Variants in DCUN1D4 observed in about 807,000 individuals in gnomAD.
The protein encoded by DCUN1D4 is defective in cullin neddylation 1 domain containing 4, also known as DCN1-like protein 4.
Under a neutral mutation model 47.9 loss-of-function variants are expected in DCUN1D4, and 22 were observed. The observed-to-expected ratio is 0.46, with a 90% CI of 0.33 to 0.66. The LOEUF is 0.66. Ranked by LOEUF, DCUN1D4 falls within the 30% of genes least tolerant of loss-of-function variation. DCUN1D4 has a pLI of 0.02. For synonymous variants in DCUN1D4, 121 were observed against 112.2 expected (o/e 1.08, Z -0.50); for missense variants, 301 against 340.8 (o/e 0.88, Z 0.92).
intron 7 of DCUN1D4, among the ~76,000 whole-genome samples, chr4:51,895,559 T>TAAAAA (rs67542268): frequency 2.3e-5 from 2 of 88,506 alleles, no homozygotes; most frequent in East Asian, 3.0e-4. Context: ...TGCTTAAACT[T>TAAAAA]AAAAAAAAAA....
At chr4:51,894,774 C>G (rs1014512558) in intron 7 of DCUN1D4, among the ~76,000 whole-genome samples, 1 of 152,094 alleles carries the variant, frequency 6.6e-6, no homozygotes, top group South Asian at 2.1e-4. Flanking sequence ...ATTTTGATCT[C>G]AAACTAGAAT....
At chr4:51,847,288 G>A (rs1722701804) in intron 1 of DCUN1D4, among the ~76,000 whole-genome samples, 1 of 152,182 alleles carries the variant, frequency 6.6e-6, no homozygotes, top group Admixed American at 6.5e-5. Flanking sequence ...ATAAAACCCT[G>A]TCAAGAGAAG....
At chr4:51,848,012 G>T (rs769517931) in intron 1 of DCUN1D4, among the ~76,000 whole-genome samples, 1 of 152,064 alleles carries the variant, frequency 6.6e-6, no homozygotes, top group Admixed American at 6.6e-5. Flanking sequence ...AATATGTATT[G>T]AATTGAACTT....
chr4:51,899,457 C>T (rs1676526514), intron 8 of DCUN1D4, 79 bp downstream of exon 8: 2 of 1,492,840 alleles, frequency 1.3e-6, no homozygotes, highest in African/African-American at 1.5e-5. Context: ...TTAGTTTTTA[C>T]ATGCCACAGC....
At chr4:51,835,589 C>T in the DCUN1D4 span, among the ~76,000 whole-genome samples, 1 of 152,048 alleles carries the variant, frequency 6.6e-6, no homozygotes, top group East Asian at 1.9e-4. Context: ...AAGAGAGAAG[C>T]TATTGTGGGG....
chr4:51,883,425 A>T (rs1386126917), intron 5 of DCUN1D4, among the ~76,000 whole-genome samples: 1 of 152,336 alleles, frequency 6.6e-6, no homozygotes, highest in South Asian at 2.1e-4. Context: ...TGTCTAATAC[A>T]TACATGAATG....
intron 1 of DCUN1D4, chr4:51,860,679 A>G (rs1480001541): frequency 2.2e-6 from 1 of 454,148 alleles, no homozygotes; most frequent in Non-Finnish European, 4.4e-6. Context: ...AGGAGGTGCC[A>G]CACACTTTTA....
At chr4:51,881,841 T>C (rs1252487928) in intron 5 of DCUN1D4, among the ~76,000 whole-genome samples, 3 of 152,032 alleles carry the variant, frequency 2.0e-5, no homozygotes, top group Non-Finnish European at 2.9e-5. Context: ...CAATTACAAC[T>C]AGATTTAAAT....
At position 51,913,839 on chromosome 4, in the gene DCUN1D4, A is replaced by G. The variant is rs559744387; in HGVS notation, c.*255A>G. ...CAACGTCCTCACTGTGATTATGTGT[A>G]TATTGCTGTTTAAATTTTGTATATG... On this transcript the variant is annotated 3_prime_UTR_variant, in exon 11 of 11. Coordinates refer to ENST00000334635, the MANE Select transcript of DCUN1D4 (RefSeq NM_001040402.3). 33 of 388,172 alleles carry G rather than the reference A, an allele frequency of 8.5e-5. No homozygotes were observed. Among genetic ancestry groups the G allele is most frequent in the Non-Finnish European group, 1.3e-4 (29 of 218,232 alleles). 24.0% of individuals were successfully genotyped at this position (388,172 alleles called of 1,614,324 possible). A position where few individuals can be genotyped will look rare whatever the true frequency, so the allele number is the denominator to read the frequency against.
intron 3 of DCUN1D4, among the ~76,000 whole-genome samples, chr4:51,870,421 T>A (rs1050127698): frequency 6.6e-6 from 1 of 152,170 alleles, no homozygotes; most frequent in Non-Finnish European, 1.5e-5. Context: ...AAGTTAACTG[T>A]TTGTTTTAGT....
At chr4:51,847,390 G>C (rs1722715101) in intron 1 of DCUN1D4, among the ~76,000 whole-genome samples, 1 of 152,120 alleles carries the variant, frequency 6.6e-6, no homozygotes, top group South Asian at 2.1e-4. Context: ...TCAAAGAAGA[G>C]AACAAAACTA....
At chr4:51,894,623 G>A (rs1376751487) in intron 7 of DCUN1D4, among the ~76,000 whole-genome samples, 2 of 152,178 alleles carry the variant, frequency 1.3e-5, no homozygotes, top group Non-Finnish European at 2.9e-5. Context: ...TGTGCACCTA[G>A]TACACAAGAA....
upstream of DCUN1D4, among the ~76,000 whole-genome samples, chr4:51,842,015 A>T (rs1378763072): frequency 6.6e-6 from 1 of 151,564 alleles, no homozygotes; most frequent in Non-Finnish European, 1.5e-5. Context: ...ATCCTCCGTT[A>T]ATATCTCGAA....
At chr4:51,867,914 A>G (rs898467724) in intron 3 of DCUN1D4, among the ~76,000 whole-genome samples, 6 of 152,210 alleles carry the variant, frequency 3.9e-5, no homozygotes, top group Admixed American at 2.0e-4. Context: ...TGTTCGTGCC[A>G]AGGGGCACCT....
Position 51,874,263 on chromosome 4 carries a change from T to G in DCUN1D4, c.137-8T>G. 2 of 1,605,088 alleles carry G rather than the reference T, an allele frequency of 1.2e-6. No homozygotes were observed. The highest frequency in any genetic ancestry group is 1.7e-6 in the Non-Finnish European group (2 of 1,175,570). Reference sequence around the variant, plus strand: ...CTTAATTTTGTGCTCTTTGAATTTGTTTTGTAGGAAGTCTGCGGTCTTGCA... The same window carrying G: ...CTTAATTTTGTGCTCTTTGAATTTGGTTTGTAGGAAGTCTGCGGTCTTGCA... On this transcript the variant is annotated splice_region_variant and splice_polypyrimidine_tract_variant and intron_variant, in intron 3 of 10. Transcript: ENST00000334635.
At chr4:51,839,865 A>G (rs780858723), upstream of DCUN1D4, among the ~76,000 whole-genome samples, 40 of 152,344 alleles carry the variant, frequency 2.6e-4, no homozygotes, top group Admixed American at 1.2e-3. Flanking sequence ...GCTTAGCAGA[A>G]TTTAGGGGAA....
intron 5 of DCUN1D4, among the ~76,000 whole-genome samples, chr4:51,881,744 A>ATT (rs1320350901): frequency 6.6e-6 from 1 of 151,954 alleles, no homozygotes; most frequent in Non-Finnish European, 1.5e-5. Context: ...CCAGTGGTGT[A>ATT]TTTGTTAGCT....
At chr4:51,841,930 T>C (rs1721685035), upstream of DCUN1D4, among the ~76,000 whole-genome samples, 1 of 140,552 alleles carries the variant, frequency 7.1e-6, no homozygotes. Flanking sequence ...GCCTTGTAGG[T>C]GTGTTGTTGT....
intron 1 of DCUN1D4, among the ~76,000 whole-genome samples, chr4:51,852,431 G>A (rs1723510896): frequency 6.6e-6 from 1 of 151,950 alleles, no homozygotes; most frequent in Admixed American, 6.6e-5. Context: ...TTTCCTGTAG[G>A]TTAGGGTAAG....
Sources: allele counts gnomAD v4.1 joint callset (sites outside exome capture counted in the v4.1 genomes callset), GRCh38; gene constraint gnomAD v4.1.1; transcripts MANE v1.5; gene names NCBI Gene and HGNC (gene_info 2026-07-23, HGNC 2026-07-21).